The following ABCA8 variants were observed in gnomAD, a reference collection of about 807,000 sequenced individuals.
ABCA8 encodes ABC-type organic anion transporter ABCA8.
In ABCA8, 177 loss-of-function variants were observed where a neutral mutation model predicts 192.3. The observed-to-expected ratio is 0.92, with a 90% CI of 0.81 to 1.04. ABCA8 has a LOEUF of 1.04. ABCA8 is among the 50% of genes least tolerant of loss of function. The pLI is 0.00. For missense variants in ABCA8, 1,915 were observed against 1,904.8 expected (o/e 1.01, Z -0.10); for synonymous variants, 642 against 690.2 (o/e 0.93, Z 1.09).
intron 2 of ABCA8, among the ~76,000 whole-genome samples, chr17:68,944,316 TTATATATATATATATATATATATA>T (rs1177610587): frequency 0.025 from 730 of 29,292 alleles, 43 homozygotes; most frequent in Middle Eastern, 0.062. Context: ...GAACTTAAAG[TTATATATATATATATATATATATA>T]TATATATATA....
At chr17:68,869,451 C>A (rs552674229) in intron 38 of ABCA8, among the ~76,000 whole-genome samples, 1 of 152,248 alleles carries the variant, frequency 6.6e-6, no homozygotes, top group Admixed American at 6.5e-5. Flanking sequence ...GTTTTACCAA[C>A]ATACATGCAA....
At position 68,875,728 on chromosome 17, in the gene ABCA8, G is replaced by T. The variant is rs765801152; in HGVS notation, c.4376C>A (p.Ala1459Asp). 10 of 1,612,984 alleles carry T rather than the reference G, an allele frequency of 6.2e-6. 1 individual carries two copies. The Middle Eastern group carries it at 6.6e-4, about 106-fold the overall frequency. Reference sequence around the variant, plus strand: ...CGTGTTTCTAAAGGTGGCCCGGATGGCCTGCCTATAATGTCAAGAGATTAT... The same window carrying T: ...CGTGTTTCTAAAGGTGGCCCGGATGTCCTGCCTATAATGTCAAGAGATTAT... ...DPEGQQQMWQ[A>D]IRATFRNTER... The change falls in exon 36 of 40, where the codon GCC becomes GAC. Residue 1459 changes from alanine to aspartate, a missense_variant. By Grantham distance (126) the Ala-to-Asp change is moderately radical. Transcript: ENST00000586539.
At chr17:68,924,101 C>T (rs960739051) in intron 11 of ABCA8, among the ~76,000 whole-genome samples, 3 of 152,090 alleles carry the variant, frequency 2.0e-5, no homozygotes, top group African/African-American at 7.2e-5. Flanking sequence ...TGGCTCATGC[C>T]TGTAATCCCA....
At chr17:68,922,408 G>A in intron 11 of ABCA8, 108 bp from the exon 12 acceptor site, 9 of 759,264 alleles carry the variant, frequency 1.2e-5, no homozygotes, top group Non-Finnish European at 1.8e-5. Context: ...ATGAAGATCT[G>A]GGTCTTCACT....
At chr17:68,917,666 G>A (rs2067410072) in intron 16 of ABCA8, among the ~76,000 whole-genome samples, 1 of 151,982 alleles carries the variant, frequency 6.6e-6, no homozygotes, top group Non-Finnish European at 1.5e-5. Context: ...TAAATTTTGT[G>A]GATATATGTT....
Position 68,933,183 on chromosome 17 carries a change from A to G in ABCA8, c.555T>C (p.Asn185=), listed in dbSNP as rs146070851. The G allele has an allele frequency of 1.8e-5, 29 of 1,611,384 alleles. No homozygotes were observed. The highest frequency in any genetic ancestry group is 2.0e-5 in the Non-Finnish European group (23 of 1,178,084). ...TTGTACTCACTTCTATAATAGCAGC[A>G]TTAATGGCAGCTTGAAGAGCCACAA... The part of the protein sequence containing the change: ...EGFVALQAAI[N]AAIIEITTNH... The change falls in exon 6 of 40, where the codon AAT becomes AAC. Residue 185 remains asparagine, a synonymous_variant. Transcript: ENST00000586539.
At position 68,867,912 on chromosome 17, in the gene ABCA8, C is replaced by G; in HGVS notation, c.*173G>C. On this transcript the variant is annotated 3_prime_UTR_variant, in exon 40 of 40. Transcript: ENST00000586539. ...AGAGGAGGTTGGCTTAGTCAAATGC[C>G]TCTGTCCACACTGACATGGCACTTA... The G allele has an allele frequency of 1.7e-6, 1 of 577,636 alleles. No homozygotes were observed. The highest frequency in any genetic ancestry group is 2.4e-5 in the South Asian group (1 of 41,324). 35.8% of individuals were successfully genotyped at this position (577,636 alleles called of 1,614,324 possible).
At chr17:68,944,316 T>TAATACA (rs1226746677) in intron 2 of ABCA8, among the ~76,000 whole-genome samples, 1 of 29,274 alleles carries the variant, frequency 3.4e-5, no homozygotes, top group East Asian at 7.8e-4. Flanking sequence ...GAACTTAAAG[T>TAATACA]TATATATATA....
chr17:68,901,639 C>T (rs1185267927), intron 21 of ABCA8, among the ~76,000 whole-genome samples: 1 of 152,042 alleles, frequency 6.6e-6, no homozygotes, highest in Non-Finnish European at 1.5e-5. Context: ...AACCCCGTCT[C>T]TACCAAAAAT....
intron 21 of ABCA8, among the ~76,000 whole-genome samples, chr17:68,901,808 CAAAA>C (rs35596717): frequency 1.1e-4 from 12 of 104,832 alleles, no homozygotes; most frequent in Non-Finnish European, 2.0e-4. Context: ...GATTCCATCT[CAAAA>C]AAAAAAAAAA....
intron 37 of ABCA8, among the ~76,000 whole-genome samples, chr17:68,870,332 C>T (rs970164770): frequency 6.6e-6 from 1 of 152,120 alleles, no homozygotes; most frequent in Non-Finnish European, 1.5e-5. Context: ...TTTTGGAATC[C>T]CAACCGGCCC....
intron 21 of ABCA8, among the ~76,000 whole-genome samples, chr17:68,897,673 G>A (rs2066800577): frequency 6.6e-6 from 1 of 152,122 alleles, no homozygotes; most frequent in African/African-American, 2.4e-5. Context: ...AAGTAATAAA[G>A]AACCAAATAG....
At chr17:68,875,535 A>G in intron 36 of ABCA8, 79 bp downstream of exon 36, 1 of 1,591,934 alleles carries the variant, frequency 6.3e-7, no homozygotes, top group Non-Finnish European at 8.6e-7. Flanking sequence ...AGCTGTTTTC[A>G]GTGATCTCTC....
chr17:68,906,175 A>G lies in ABCA8; in HGVS notation c.2279-12T>C. On this transcript the variant is annotated splice_polypyrimidine_tract_variant and intron_variant, in intron 18 of 39. Transcript: ENST00000586539. Reference sequence around the variant, plus strand: ...ATCCTTGTAAAGTTCTAAAGAATACATATACAGCAGTGAATTAAAACAAGA... The same window carrying G: ...ATCCTTGTAAAGTTCTAAAGAATACGTATACAGCAGTGAATTAAAACAAGA... 2 of 1,519,754 alleles carry G rather than the reference A, an allele frequency of 1.3e-6. No homozygotes were observed. The highest frequency in any genetic ancestry group is 1.8e-6 in the Non-Finnish European group (2 of 1,136,082). 94.1% of individuals were successfully genotyped at this position (1,519,754 alleles called of 1,614,324 possible).
rs2065960947 is a variant in ABCA8 at position 68,868,143 on chromosome 17, A to G, written c.4808T>C (p.Phe1603Ser). 1 of 1,613,254 alleles carries G rather than the reference A, an allele frequency of 6.2e-7. No homozygotes were observed. Among genetic ancestry groups the G allele is most frequent in the African/African-American group, 1.3e-5 (1 of 75,010 alleles). Residue 1603 changes from phenylalanine (F) to serine (S), a missense_variant, in exon 40 of 40, where the codon TTT (phenylalanine) becomes TCT (serine). Phe to Ser is a radical substitution (Grantham distance 155, BLOSUM62 -2). Transcript: ENST00000586539. ...ELSKEQELGD[F>S]EEDFDPSVKW... ...CACTGAGGGATCAAAATCCTCCTCA[A>G]AATCACCCAGCTCCTGCTCCTTGGA...
intron 37 of ABCA8, among the ~76,000 whole-genome samples, chr17:68,872,451 T>G (rs2066085905): frequency 7.5e-6 from 1 of 134,174 alleles, no homozygotes; most frequent in African/African-American, 2.7e-5. Flanking sequence ...GGGGGAGGGA[T>G]AGCATCGGGA....
intron 23 of ABCA8, among the ~76,000 whole-genome samples, chr17:68,892,201 A>G (rs2066636024): frequency 6.6e-6 from 1 of 152,216 alleles, no homozygotes; most frequent in Admixed American, 6.5e-5. Flanking sequence ...TATTTTCATG[A>G]TTCTCATAGT....
At chr17:68,922,217 T>TAAC in intron 12 of ABCA8, 25 bp downstream of exon 12, 1 of 100,442 alleles carries the variant, frequency 1.0e-5, no homozygotes, top group Non-Finnish European at 1.8e-5. Flanking sequence ...TTTTTTTTTT[T>TAAC]TTTTTTTTTT....
chr17:68,920,315 C>G (rs1000123481), intron 13 of ABCA8, among the ~76,000 whole-genome samples: 1 of 151,880 alleles, frequency 6.6e-6, no homozygotes, highest in Non-Finnish European at 1.5e-5. Context: ...GGCTTAATAC[C>G]TGGGTCATGT....
Sources: allele counts gnomAD v4.1 joint callset (sites outside exome capture counted in the v4.1 genomes callset), GRCh38; gene constraint gnomAD v4.1.1; transcripts MANE v1.5; gene names NCBI Gene and HGNC (gene_info 2026-07-23, HGNC 2026-07-21).